The following GPATCH2 variants were observed in gnomAD, a reference collection of about 807,000 sequenced individuals.
The protein encoded by GPATCH2 is G-patch domain containing 2, also known as G patch domain-containing protein 2.
A neutral mutation model predicts 58.0 loss-of-function variants in GPATCH2; 51 were observed. The observed-to-expected ratio is 0.88, with a 90% CI of 0.70 to 1.11. The LOEUF is 1.11. Ranked by LOEUF, GPATCH2 falls within the 50% of genes most tolerant of loss-of-function variation. GPATCH2 has a pLI of 0.00. For synonymous variants in GPATCH2, 222 were observed against 218.5 expected (o/e 1.02, Z -0.14); for missense variants, 625 against 652.2 (o/e 0.96, Z 0.45).
At chr1:217,555,240 C>T (rs1382997731) in intron 5 of GPATCH2, among the ~76,000 whole-genome samples, 1 of 152,050 alleles carries the variant, frequency 6.6e-6, no homozygotes, top group Non-Finnish European at 1.5e-5. Context: ...ATACAAAACC[C>T]CAACTATTTA....
intron 1 of GPATCH2, among the ~76,000 whole-genome samples, chr1:217,626,789 A>G (rs1054810218): frequency 2.6e-5 from 4 of 152,110 alleles, no homozygotes; most frequent in Non-Finnish European, 5.9e-5. Flanking sequence ...CCCTAACACT[A>G]AATGTCGACA....
At chr1:217,608,977 A>C (rs1261540322) in intron 5 of GPATCH2, 1 of 982,894 alleles carries the variant, frequency 1.0e-6, no homozygotes, top group African/African-American at 1.7e-5. Flanking sequence ...ACTTTAGGTA[A>C]AAGCAATGGC....
intron 5 of GPATCH2, among the ~76,000 whole-genome samples, chr1:217,518,623 TAC>T (rs2102591142): frequency 6.6e-6 from 1 of 152,362 alleles, no homozygotes; most frequent in Non-Finnish European, 1.5e-5. Flanking sequence ...GTAAGATTAA[TAC>T]AGAGGCCATT....
chr1:217,561,181 G>C (rs1665908582), intron 5 of GPATCH2, among the ~76,000 whole-genome samples: 1 of 152,130 alleles, frequency 6.6e-6, no homozygotes, highest in African/African-American at 2.4e-5. Context: ...AGTCACTTCT[G>C]CAATACACTT....
intron 5 of GPATCH2, among the ~76,000 whole-genome samples, chr1:217,537,335 A>G (rs1052316154): frequency 6.6e-6 from 1 of 152,204 alleles, no homozygotes; most frequent in Non-Finnish European, 1.5e-5. Context: ...TATCTGGGCT[A>G]CTTAAGACAG....
chr1:217,437,257 G>A (rs1485769311), intron 9 of GPATCH2, among the ~76,000 whole-genome samples: 1 of 152,110 alleles, frequency 6.6e-6, no homozygotes. Flanking sequence ...GATCCCCCCG[G>A]GTGCCTACGC....
intron 5 of GPATCH2, among the ~76,000 whole-genome samples, chr1:217,583,586 A>AG (rs1667179715): frequency 6.6e-6 from 1 of 151,458 alleles, no homozygotes. Flanking sequence ...AAAAAAAAAA[A>AG]AAAAAGATAG....
chr1:217,443,731 A>G (rs1659254319), intron 9 of GPATCH2, among the ~76,000 whole-genome samples: 1 of 151,998 alleles, frequency 6.6e-6, no homozygotes, highest in Non-Finnish European at 1.5e-5. Flanking sequence ...GCTTTTATGT[A>G]GCATAGAGAT....
chr1:217,566,101 CAAAAAAAA>C (rs59608962), intron 5 of GPATCH2, among the ~76,000 whole-genome samples: 1 of 47,240 alleles, frequency 2.1e-5, no homozygotes, highest in South Asian at 1.1e-3. Flanking sequence ...AACTCCGTCT[CAAAAAAAA>C]AAAAAAAAAA....
chr1:217,538,238 A>C (rs964740496), intron 5 of GPATCH2, among the ~76,000 whole-genome samples: 4 of 152,236 alleles, frequency 2.6e-5, no homozygotes, highest in African/African-American at 9.6e-5. Flanking sequence ...TACATGAAGC[A>C]GGTTCATGAC....
chr1:217,500,666 T>C (rs192734038), intron 6 of GPATCH2, among the ~76,000 whole-genome samples: 28 of 152,176 alleles, frequency 1.8e-4, no homozygotes, highest in Admixed American at 1.6e-3. Context: ...ATTTCTCTAG[T>C]AGTGAGCATT....
chr1:217,625,700 C>T (rs1437902366), intron 1 of GPATCH2, among the ~76,000 whole-genome samples: 1 of 152,114 alleles, frequency 6.6e-6, no homozygotes, highest in African/African-American at 2.4e-5. Context: ...AAAACAAAAA[C>T]TGGCCGGAAG....
chr1:217,583,104 T>C (rs1177083912), intron 5 of GPATCH2, among the ~76,000 whole-genome samples: 1 of 151,916 alleles, frequency 6.6e-6, no homozygotes, highest in Non-Finnish European at 1.5e-5. Context: ...ACAGAATAGA[T>C]TAAACAGCAG....
At chr1:217,577,136 C>T (rs567914558) in intron 5 of GPATCH2, among the ~76,000 whole-genome samples, 4 of 152,140 alleles carry the variant, frequency 2.6e-5, no homozygotes, top group East Asian at 1.9e-4. Flanking sequence ...AATAGAAACC[C>T]GCATCTGTCT....
intron 5 of GPATCH2, among the ~76,000 whole-genome samples, chr1:217,565,606 C>T (rs1666184747): frequency 6.6e-6 from 1 of 152,168 alleles, no homozygotes; most frequent in Admixed American, 6.5e-5. Flanking sequence ...ACACTGTAAA[C>T]TGGCAAATGA....
chr1:217,578,970 A>G (rs554767229), intron 5 of GPATCH2, among the ~76,000 whole-genome samples: 1 of 152,346 alleles, frequency 6.6e-6, no homozygotes, highest in Admixed American at 6.5e-5. Flanking sequence ...AAATATGCAA[A>G]TAAAGTTTTC....
intron 5 of GPATCH2, among the ~76,000 whole-genome samples, chr1:217,598,445 T>A (rs979084447): frequency 3.3e-4 from 50 of 151,498 alleles, no homozygotes; most frequent in Non-Finnish European, 3.2e-4. Context: ...CCATCAACAT[T>A]AAAAAAAATT....
intron 5 of GPATCH2, among the ~76,000 whole-genome samples, chr1:217,567,996 A>T (rs1391397895): frequency 6.6e-6 from 1 of 152,146 alleles, no homozygotes; most frequent in Non-Finnish European, 1.5e-5. Flanking sequence ...GGGCGCCTGC[A>T]GTCCTAGCTA....
chr1:217,521,358 C>CAACAAAAAAA (rs1663446846), intron 5 of GPATCH2, among the ~76,000 whole-genome samples: 1 of 101,168 alleles, frequency 9.9e-6, no homozygotes, highest in Non-Finnish European at 1.8e-5. Context: ...AGGGAGACTG[C>CAACAAAAAAA]AAAAAAAAAA....
Sources: allele counts gnomAD v4.1 joint callset (sites outside exome capture counted in the v4.1 genomes callset), GRCh38; gene constraint gnomAD v4.1.1; transcripts MANE v1.5; gene names NCBI Gene and HGNC (gene_info 2026-07-23, HGNC 2026-07-21).